ATG10: variants seen among roughly 807,000 people sequenced by gnomAD.
ATG10 encodes autophagy related 10, also known as ubiquitin-like-conjugating enzyme ATG10.
ATG10 carries 30 observed loss-of-function variants against 32.1 expected under a neutral mutation model. That is an observed-to-expected ratio of 0.94 (90% confidence interval 0.70 to 1.27). The LOEUF (loss-of-function observed/expected upper bound fraction) is 1.27. Among genes scored for constraint, ATG10 ranks in the 50% most tolerant of loss-of-function variants. ATG10 has a pLI of 0.00. For synonymous variants in ATG10, 87 were observed against 91.5 expected (o/e 0.95, Z 0.28); for missense variants, 233 against 262.3 (o/e 0.89, Z 0.77).
At position 82,068,913 on chromosome 5, in the gene ATG10, GCCC is replaced by G. The variant is rs201244859; in HGVS notation, c.216+10313_216+10315del. On this transcript the variant is annotated intron_variant, in intron 3 of 7. Coordinates refer to ENST00000282185, the MANE Select transcript of ATG10 (RefSeq NM_031482.5). Reference sequence around the variant, plus strand: ...AAACCACTACTTAGAACTCTTTTCTGCCCCTTTGATTTTTTTTTTTTTGAAGCC... The same window carrying G: ...AAACCACTACTTAGAACTCTTTTCTGCTTTGATTTTTTTTTTTTTGAAGCC... 1.0e-2 allele frequency among the ~76,000 whole-genome samples: 1,500 copies of G among 150,300 alleles called. 13 individuals are homozygous for G. The highest frequency in any genetic ancestry group is 0.017 in the Non-Finnish European group (1,140 of 67,604).
intron 5 of ATG10, among the ~76,000 whole-genome samples, chr5:82,188,389 C>T (rs537767486): frequency 1.4e-4 from 21 of 152,122 alleles, no homozygotes; most frequent in Non-Finnish European, 2.2e-4. Flanking sequence ...CCCAGCATTT[C>T]ATTGATCCCT....
intron 2 of ATG10, among the ~76,000 whole-genome samples, chr5:81,999,559 C>CA (rs1215861661): frequency 1.3e-5 from 2 of 151,466 alleles, no homozygotes; most frequent in African/African-American, 2.4e-5. Context: ...AATTGAGATG[C>CA]AAAAAAAGCC....
intron 2 of ATG10, among the ~76,000 whole-genome samples, chr5:82,036,644 G>C (rs1315341642): frequency 1.3e-5 from 2 of 152,000 alleles, no homozygotes; most frequent in Admixed American, 1.3e-4. Flanking sequence ...TTTTATATCT[G>C]TTAATTCTAC....
chr5:82,153,170 C>T (rs146058707), intron 3 of ATG10, among the ~76,000 whole-genome samples: 2 of 152,162 alleles, frequency 1.3e-5, no homozygotes, highest in African/African-American at 4.8e-5. Context: ...TTTTTTCTCC[C>T]ACGCTCTCTG....
At chr5:82,110,202 T>A (rs1242256075) in intron 3 of ATG10, among the ~76,000 whole-genome samples, 1 of 152,082 alleles carries the variant, frequency 6.6e-6, no homozygotes, top group African/African-American at 2.4e-5. Context: ...TCTATCATTG[T>A]TGGACATTTG....
Position 82,239,851 on chromosome 5 carries a change from G to A in ATG10, c.454-12711G>A, listed in dbSNP as rs115249595. Among the ~76,000 whole-genome samples, 1,043 of 151,944 alleles carry A rather than the reference G, an allele frequency of 6.9e-3. 11 individuals are homozygous for A. The highest frequency in any genetic ancestry group is 0.024 in the African/African-American group (996 of 41,426). ...CCCAAATAATCCAATTTAAAAAATG[G>A]GTAAAAGATCTGAATAGACATTTTT... On this transcript the variant is annotated intron_variant, in intron 5 of 7. Transcript: ENST00000282185.
At chr5:82,076,270 T>C (rs1246094598) in intron 3 of ATG10, among the ~76,000 whole-genome samples, 1 of 152,212 alleles carries the variant, frequency 6.6e-6, no homozygotes, top group East Asian at 1.9e-4. Context: ...TTTTTACTGG[T>C]ATTTTCTGAT....
At chr5:81,993,336 C>CTTCCTTCCTTCCTTCTTTCTTTCT (rs1554039310) in intron 2 of ATG10, among the ~76,000 whole-genome samples, 7 of 77,706 alleles carry the variant, frequency 9.0e-5, no homozygotes, top group African/African-American at 4.5e-4. Context: ...TCCTTCCTTC[C>CTTCCTTCCTTCCTTCTTTCTTTCT]TTCTTTCTTT....
chr5:82,187,614 T>C (rs1312997255), intron 5 of ATG10, among the ~76,000 whole-genome samples: 1 of 151,864 alleles, frequency 6.6e-6, no homozygotes, highest in African/African-American at 2.4e-5. Flanking sequence ...GTTTCGCTCT[T>C]GTTGCCCAGG....
chr5:82,189,872 G>A (rs1168500848), intron 5 of ATG10, among the ~76,000 whole-genome samples: 1 of 152,132 alleles, frequency 6.6e-6, no homozygotes, highest in African/African-American at 2.4e-5. Flanking sequence ...TGTTCCATCT[G>A]CCTTGGCCTC....
chr5:82,201,861 A>C (rs767875657), intron 5 of ATG10, among the ~76,000 whole-genome samples: 3 of 152,138 alleles, frequency 2.0e-5, no homozygotes, highest in Non-Finnish European at 2.9e-5. Flanking sequence ...CATTTCCTTA[A>C]ATTTTTATGT....
At chr5:82,243,774 C>A (rs565938011) in intron 5 of ATG10, among the ~76,000 whole-genome samples, 34 of 152,078 alleles carry the variant, frequency 2.2e-4, no homozygotes, top group African/African-American at 8.0e-4. Flanking sequence ...TACATATGGA[C>A]AACACAAATA....
chr5:82,094,291 G>C (rs978137090), intron 3 of ATG10, among the ~76,000 whole-genome samples: 1 of 152,014 alleles, frequency 6.6e-6, no homozygotes, highest in Non-Finnish European at 1.5e-5. Context: ...CAGTTTTTTA[G>C]TTGTTTCAGG....
intron 5 of ATG10, among the ~76,000 whole-genome samples, chr5:82,235,178 C>T (rs1746507718): frequency 6.6e-6 from 1 of 152,120 alleles, no homozygotes; most frequent in South Asian, 2.1e-4. Flanking sequence ...TGACTCTCTT[C>T]TTTCCTTTCC....
chr5:82,171,967 A>G (rs1223790349), intron 4 of ATG10, among the ~76,000 whole-genome samples: 2 of 152,314 alleles, frequency 1.3e-5, no homozygotes, highest in Non-Finnish European at 2.9e-5. Context: ...GAAATTCACT[A>G]TAACAAGTAG....
In ATG10 at chr5:81,997,231, G is replaced by A. The variant is rs144177552; in HGVS notation, c.108+9553G>A. On this transcript the variant is annotated intron_variant, in intron 2 of 7. Transcript: ENST00000282185. ...ACCGCCCAACGAAGGACTTTGGTTG[G>A]CATCACCCATTGGAGTGTTGTGGCC... Among the ~76,000 whole-genome samples, 3 of 152,336 alleles carry A rather than the reference G, an allele frequency of 2.0e-5. No homozygotes were observed. The East Asian group carries it at 5.8e-4, about 29-fold the overall frequency.
At chr5:82,187,051 C>T (rs978605766) in intron 5 of ATG10, among the ~76,000 whole-genome samples, 1 of 150,658 alleles carries the variant, frequency 6.6e-6, no homozygotes, top group African/African-American at 2.4e-5. Context: ...CTCATAACTG[C>T]AATCACAGCT....
At chr5:82,206,453 C>T (rs943282816) in intron 5 of ATG10, among the ~76,000 whole-genome samples, 1 of 151,986 alleles carries the variant, frequency 6.6e-6, no homozygotes, top group African/African-American at 2.4e-5. Flanking sequence ...CAAGACCATC[C>T]TGACTAACAC....
chr5:82,173,512 AT>A (rs916306853), intron 4 of ATG10, among the ~76,000 whole-genome samples: 15 of 152,292 alleles, frequency 9.8e-5, no homozygotes, highest in Admixed American at 9.8e-4. Context: ...TTAAATGTGT[AT>A]TATCATTCCA....
Sources: allele counts gnomAD v4.1 joint callset (sites outside exome capture counted in the v4.1 genomes callset), GRCh38; gene constraint gnomAD v4.1.1; transcripts MANE v1.5; gene names NCBI Gene and HGNC (gene_info 2026-07-23, HGNC 2026-07-21).